The following RALYL variants were observed in gnomAD, a reference collection of about 807,000 sequenced individuals.
RALYL encodes the protein RALY RNA binding protein like.
Under a neutral mutation model 35.1 loss-of-function variants are expected in RALYL, and 29 were observed. The ratio of observed to expected loss-of-function variants is 0.83; its 90% CI spans 0.61 to 1.13. The LOEUF is 1.13. RALYL is among the 50% of genes most tolerant of loss of function. RALYL has a pLI of 0.00. For synonymous variants in RALYL, 120 were observed against 127.6 expected (o/e 0.94, Z 0.40); for missense variants, 359 against 360.4 (o/e 1.00, Z 0.03).
intron 4 of RALYL, among the ~76,000 whole-genome samples, chr8:84,837,360 AG>A (rs1331805428): frequency 6.6e-6 from 1 of 152,212 alleles, no homozygotes; most frequent in South Asian, 2.1e-4. Flanking sequence ...AGAAGGCTCT[AG>A]TAGTAGTTAT....
intron 1 of RALYL, among the ~76,000 whole-genome samples, chr8:84,275,059 C>T (rs1013729500): frequency 6.6e-6 from 1 of 152,168 alleles, no homozygotes; most frequent in Non-Finnish European, 1.5e-5. Context: ...GCATGTAGTG[C>T]AATACACAAA....
chr8:84,814,535 T>C (rs1460486974), intron 4 of RALYL, among the ~76,000 whole-genome samples: 1 of 152,218 alleles, frequency 6.6e-6, no homozygotes, highest in African/African-American at 2.4e-5. Flanking sequence ...TATAAATTGG[T>C]GAACCAAATT....
chr8:84,566,668 TA>T (rs770333157), intron 2 of RALYL, among the ~76,000 whole-genome samples: 13 of 151,612 alleles, frequency 8.6e-5, no homozygotes, highest in Non-Finnish European at 1.6e-4. Context: ...TTATCCAAGT[TA>T]ATGAAGGAAT....
At chr8:84,863,937 C>T (rs961219379) in intron 6 of RALYL, among the ~76,000 whole-genome samples, 30 of 152,066 alleles carry the variant, frequency 2.0e-4, no homozygotes, top group Non-Finnish European at 2.5e-4. Flanking sequence ...TAGGTCACCC[C>T]AATGTGGAGT....
chr8:84,772,549 C>G (rs1398388384), intron 2 of RALYL, among the ~76,000 whole-genome samples: 1 of 151,866 alleles, frequency 6.6e-6, no homozygotes, highest in Admixed American at 6.6e-5. Flanking sequence ...TAAGGTCTTT[C>G]AAGTGTTGTA....
At chr8:84,772,590 T>A (rs1815819371) in intron 2 of RALYL, among the ~76,000 whole-genome samples, 1 of 152,106 alleles carries the variant, frequency 6.6e-6, no homozygotes, top group African/African-American at 2.4e-5. Context: ...TTGTCTTTTA[T>A]AGTATGTAAA....
At chr8:84,790,540 G>A (rs1820532566) in intron 3 of RALYL, among the ~76,000 whole-genome samples, 1 of 152,168 alleles carries the variant, frequency 6.6e-6, no homozygotes, top group Non-Finnish European at 1.5e-5. Context: ...ATTTGTGGAT[G>A]TAGTCATTTA....
At chr8:84,386,526 T>A (rs1436224910) in intron 1 of RALYL, among the ~76,000 whole-genome samples, 1 of 151,804 alleles carries the variant, frequency 6.6e-6, no homozygotes, top group Non-Finnish European at 1.5e-5. Context: ...TCAATATAGT[T>A]CCATTGGGTA....
intron 1 of RALYL, among the ~76,000 whole-genome samples, chr8:84,217,859 G>A (rs1368922511): frequency 6.6e-6 from 1 of 152,032 alleles, no homozygotes; most frequent in African/African-American, 2.4e-5. Flanking sequence ...TCTCCTCATT[G>A]ACCCAATAGT....
intron 1 of RALYL, among the ~76,000 whole-genome samples, chr8:84,252,600 C>G (rs903679995): frequency 6.6e-6 from 1 of 152,134 alleles, no homozygotes; most frequent in Non-Finnish European, 1.5e-5. Flanking sequence ...TTTAGGGTCA[C>G]AGATAGCTAG....
At chr8:84,710,256 C>T (rs1263289406) in intron 2 of RALYL, among the ~76,000 whole-genome samples, 1 of 151,998 alleles carries the variant, frequency 6.6e-6, no homozygotes. Context: ...AGTCAAATTG[C>T]TCTTTCCCTT....
chr8:84,245,341 T>A (rs569604153), intron 1 of RALYL, among the ~76,000 whole-genome samples: 2 of 152,266 alleles, frequency 1.3e-5, no homozygotes, highest in South Asian at 4.1e-4. Flanking sequence ...AGGAGGACAA[T>A]GGACTTTAAA....
At chr8:84,687,322 T>C (rs1369694685) in intron 2 of RALYL, among the ~76,000 whole-genome samples, 1 of 152,138 alleles carries the variant, frequency 6.6e-6, no homozygotes, top group East Asian at 1.9e-4. Flanking sequence ...TGTCTTATAA[T>C]TTCCAATGTT....
At chr8:84,276,235 G>A (rs548425051) in intron 1 of RALYL, among the ~76,000 whole-genome samples, 63 of 152,176 alleles carry the variant, frequency 4.1e-4, no homozygotes, top group African/African-American at 1.3e-3. Flanking sequence ...TAGCTAATAC[G>A]AATGTGGTCA....
At chr8:84,780,855 T>G (rs1278752131) in intron 3 of RALYL, among the ~76,000 whole-genome samples, 1 of 152,108 alleles carries the variant, frequency 6.6e-6, no homozygotes, top group African/African-American at 2.4e-5. Flanking sequence ...TTCTTGTTTT[T>G]TGTTTGTTTG....
At chr8:84,767,906 CT>C (rs921378277) in intron 2 of RALYL, among the ~76,000 whole-genome samples, 1 of 152,152 alleles carries the variant, frequency 6.6e-6, no homozygotes, top group African/African-American at 2.4e-5. Flanking sequence ...TTTAACTAGG[CT>C]TTTTGAAATA....
At chr8:84,796,905 G>C (rs1467581138) in intron 3 of RALYL, among the ~76,000 whole-genome samples, 1 of 152,170 alleles carries the variant, frequency 6.6e-6, no homozygotes, top group Non-Finnish European at 1.5e-5. Flanking sequence ...CATTTATTGT[G>C]TTCTTTATCT....
At chr8:84,537,612 A>G (rs184303331) in intron 2 of RALYL, among the ~76,000 whole-genome samples, 2 of 152,288 alleles carry the variant, frequency 1.3e-5, no homozygotes, top group Admixed American at 1.3e-4. Flanking sequence ...TGAGATTCAT[A>G]GAAATATATT....
At chr8:84,224,214 C>T (rs1823262464) in intron 1 of RALYL, among the ~76,000 whole-genome samples, 1 of 152,118 alleles carries the variant, frequency 6.6e-6, no homozygotes, top group Non-Finnish European at 1.5e-5. Context: ...CACATCAGAA[C>T]CAAGCTCTAA....
Sources: gnomAD v4.1 joint callset for allele counts (sites outside exome capture counted in the v4.1 genomes callset) on GRCh38, gnomAD v4.1.1 for gene constraint, MANE v1.5 for transcripts, NCBI Gene and HGNC (gene_info 2026-07-23, HGNC 2026-07-21) for gene names.